The following TMEM38B variants were observed in gnomAD, a reference collection of about 807,000 sequenced individuals.
The protein encoded by TMEM38B is trimeric intracellular cation channel type B.
TMEM38B carries 24 observed loss-of-function variants against 28.7 expected under a neutral mutation model. The ratio of observed to expected loss-of-function variants is 0.84; its 90% confidence interval spans 0.61 to 1.18. The LOEUF (loss-of-function observed/expected upper bound fraction) is 1.18, where lower values mean the gene tolerates loss of function less well. Ranked by LOEUF, TMEM38B falls within the 50% of genes most tolerant of loss-of-function variation. The pLI is 0.00. For synonymous variants in TMEM38B, 131 were observed against 127.7 expected (o/e 1.03, Z -0.17); for missense variants, 380 against 350.9 (o/e 1.08, Z -0.66).
chr9:105,733,730 T>C (rs184933046), intron 4 of TMEM38B, among the ~76,000 whole-genome samples: 3 of 152,186 alleles, frequency 2.0e-5, no homozygotes, highest in Non-Finnish European at 2.9e-5. Context: ...ATTCACTTAC[T>C]CTAGGTTATC....
intron 2 of TMEM38B, among the ~76,000 whole-genome samples, chr9:105,721,047 T>C (rs1836299515): frequency 6.6e-6 from 1 of 152,158 alleles, no homozygotes; most frequent in Non-Finnish European, 1.5e-5. Flanking sequence ...TTTGTATAGA[T>C]TGTAGTTTAT....
chr9:105,725,142 A>G (rs1836461335), intron 4 of TMEM38B, among the ~76,000 whole-genome samples: 2 of 151,962 alleles, frequency 1.3e-5, no homozygotes, highest in African/African-American at 4.8e-5. Context: ...TATTTTCTCA[A>G]TGCTTCCTTC....
At chr9:105,756,668 T>C (rs1268826592) in intron 5 of TMEM38B, among the ~76,000 whole-genome samples, 1 of 152,186 alleles carries the variant, frequency 6.6e-6, no homozygotes, top group East Asian at 1.9e-4. Flanking sequence ...TAAAGTTCTG[T>C]ATTTTAACAC....
intron 1 of TMEM38B, among the ~76,000 whole-genome samples, chr9:105,698,153 A>G (rs916031918): frequency 2.0e-5 from 3 of 151,550 alleles, no homozygotes; most frequent in East Asian, 1.9e-4. Flanking sequence ...AGTCCTTCCA[A>G]TGAATTCTTT....
chr9:105,718,130 G>C (rs535969857), intron 2 of TMEM38B, among the ~76,000 whole-genome samples: 1 of 152,154 alleles, frequency 6.6e-6, no homozygotes, highest in South Asian at 2.1e-4. Flanking sequence ...TTTGTCTTCA[G>C]AGATCCTTAA....
At chr9:105,710,394 A>T in intron 2 of TMEM38B, 1,010 of 782,374 alleles carry the variant, frequency 1.3e-3, no homozygotes, top group Non-Finnish European at 2.0e-3. Flanking sequence ...TGACTTCATG[A>T]TCTCCTTCTT....
At chr9:105,737,430 G>A (rs1837025114) in intron 4 of TMEM38B, among the ~76,000 whole-genome samples, 1 of 152,114 alleles carries the variant, frequency 6.6e-6, no homozygotes, top group South Asian at 2.1e-4. Flanking sequence ...ACCCTGGGCT[G>A]GTAGTATATG....
chr9:105,742,259 G>C (rs1321562774), intron 4 of TMEM38B, among the ~76,000 whole-genome samples: 1 of 152,196 alleles, frequency 6.6e-6, no homozygotes, highest in African/African-American at 2.4e-5. Flanking sequence ...CTAGAGGCCT[G>C]TGGCCAGGCC....
intron 4 of TMEM38B, 107 bp from the exon 5 acceptor site, chr9:105,747,966 C>T (rs575967967): frequency 2.0e-4 from 137 of 698,514 alleles, no homozygotes; most frequent in Middle Eastern, 6.3e-4. Context: ...TTTTGCATTA[C>T]ATCTATTAAT....
chr9:105,721,830 A>G, intron 3 of TMEM38B, 109 bp downstream of exon 3: 1 of 857,100 alleles, frequency 1.2e-6, no homozygotes, highest in Non-Finnish European at 1.7e-6. Flanking sequence ...TTAATAACAG[A>G]GACTTTTTGG....
intron 4 of TMEM38B, among the ~76,000 whole-genome samples, chr9:105,742,610 ACTT>A (rs1354332233): frequency 2.6e-5 from 4 of 152,178 alleles, no homozygotes; most frequent in African/African-American, 7.2e-5. Flanking sequence ...TTTAAAATGG[ACTT>A]CTTCCTAAAT....
intron 2 of TMEM38B, among the ~76,000 whole-genome samples, chr9:105,710,091 A>G (rs939923431): frequency 3.3e-5 from 5 of 152,236 alleles, no homozygotes; most frequent in Non-Finnish European, 7.3e-5. Context: ...GGGGACTTCA[A>G]TTATTCCATG....
chr9:105,773,372 C>T (rs1826621971), intron 5 of TMEM38B, among the ~76,000 whole-genome samples: 1 of 152,060 alleles, frequency 6.6e-6, no homozygotes, highest in South Asian at 2.1e-4. Context: ...ATTTAGTAAT[C>T]GAACTCAGAA....
At chr9:105,731,258 C>T (rs1014380830) in intron 4 of TMEM38B, among the ~76,000 whole-genome samples, 80 of 151,632 alleles carry the variant, frequency 5.3e-4, no homozygotes, top group African/African-American at 1.7e-3. Context: ...GATTCTGGTA[C>T]GTTGTAGCTT....
At chr9:105,706,844 C>T (rs1835688660) in intron 2 of TMEM38B, among the ~76,000 whole-genome samples, 4 of 151,516 alleles carry the variant, frequency 2.6e-5, no homozygotes, top group Admixed American at 2.6e-4. Context: ...ACCCTTATTA[C>T]AGGCTCACTG....
chr9:105,698,310 A>G (rs889581249), intron 1 of TMEM38B, among the ~76,000 whole-genome samples: 1 of 152,132 alleles, frequency 6.6e-6, no homozygotes. Flanking sequence ...CCTGAATTTA[A>G]TGAGAATGCT....
At chr9:105,730,095 C>T (rs377411629) in intron 4 of TMEM38B, among the ~76,000 whole-genome samples, 8 of 152,050 alleles carry the variant, frequency 5.3e-5, no homozygotes, top group African/African-American at 1.9e-4. Flanking sequence ...TTTGCCCTGG[C>T]CAGACCTTCC....
At chr9:105,701,921 A>G (rs1193556208) in intron 1 of TMEM38B, among the ~76,000 whole-genome samples, 1 of 152,220 alleles carries the variant, frequency 6.6e-6, no homozygotes, top group East Asian at 1.9e-4. Context: ...CTATGATTCA[A>G]ACTTGATCTA....
chr9:105,696,868 A>T (rs1233649836), intron 1 of TMEM38B, among the ~76,000 whole-genome samples: 1 of 152,264 alleles, frequency 6.6e-6, no homozygotes, highest in Non-Finnish European at 1.5e-5. Flanking sequence ...AACAGTAGAT[A>T]AAATATAAAT....
Sources: allele counts gnomAD v4.1 joint callset (sites outside exome capture counted in the v4.1 genomes callset), GRCh38; gene constraint gnomAD v4.1.1; transcripts MANE v1.5; gene names NCBI Gene and HGNC (gene_info 2026-07-23, HGNC 2026-07-21).